THBS4: variants seen among roughly 807,000 people sequenced by gnomAD.
THBS4 encodes thrombospondin-4.
THBS4 carries 90 observed loss-of-function variants against 115.7 expected under a neutral mutation model. That is an observed-to-expected ratio of 0.78 (90% CI 0.66 to 0.93). THBS4 has a LOEUF of 0.93. Ranked by LOEUF, THBS4 falls within the 40% of genes least tolerant of loss-of-function variation. The probability of loss-of-function intolerance (pLI) is 0.00; values close to 1 mark genes in which losing one functional copy is unlikely to be tolerated. For missense variants in THBS4, 1,087 were observed against 1,232.7 expected (o/e 0.88, Z 1.77); for synonymous variants, 460 against 479.3 (o/e 0.96, Z 0.53).
intron 3 of THBS4, among the ~76,000 whole-genome samples, chr5:80,057,677 A>G (rs988669645): frequency 2.6e-5 from 4 of 152,224 alleles, no homozygotes; most frequent in African/African-American, 9.6e-5. Flanking sequence ...GGGCAAGGAC[A>G]TTGACTTTTT....
At chr5:80,012,920 T>C (rs1239830140) in intron 2 of THBS4, among the ~76,000 whole-genome samples, 1 of 152,182 alleles carries the variant, frequency 6.6e-6, no homozygotes, top group Admixed American at 6.5e-5. Flanking sequence ...TGGCCCCGTC[T>C]TGGGACTCTC....
chr5:80,004,012 G>A (rs1831963738), intron 2 of THBS4, among the ~76,000 whole-genome samples: 1 of 152,178 alleles, frequency 6.6e-6, no homozygotes, highest in Non-Finnish European at 1.5e-5. Flanking sequence ...AATGTGACCT[G>A]CATGATTCAG....
chr5:80,004,517 G>A (rs913121581), intron 2 of THBS4, among the ~76,000 whole-genome samples: 1 of 152,144 alleles, frequency 6.6e-6, no homozygotes, highest in Non-Finnish European at 1.5e-5. Flanking sequence ...TGTGGCCTAC[G>A]GGTTTGATTT....
At chr5:80,018,630 G>T (rs1832299528) in intron 2 of THBS4, among the ~76,000 whole-genome samples, 1 of 151,850 alleles carries the variant, frequency 6.6e-6, no homozygotes, top group African/African-American at 2.4e-5. Context: ...CCTGACTTTA[G>T]GTGATCTGCC....
Position 80,080,993 on chromosome 5 carries a change from T to C in THBS4, c.2684+916T>C, listed in dbSNP as rs77756944. Among the ~76,000 whole-genome samples, 997 of 152,292 alleles carry C rather than the reference T, an allele frequency of 6.5e-3. 8 individuals are homozygous for C. The highest frequency in any genetic ancestry group is 0.022 in the African/African-American group (924 of 41,528). ...GTAGGCCAAAGTAGTCTGACTTCTT[T>C]CTTTATAGGACTTTTTTGTTGTTGT... On this transcript the variant is annotated intron_variant, in intron 20 of 21. Coordinates refer to ENST00000350881, the MANE Select transcript of THBS4 (RefSeq NM_003248.6).
At chr5:80,046,106 A>G (rs1353571384) in intron 2 of THBS4, among the ~76,000 whole-genome samples, 1 of 152,218 alleles carries the variant, frequency 6.6e-6, no homozygotes, top group Non-Finnish European at 1.5e-5. Context: ...GAAGATATGG[A>G]AGAAATAAGC....
chr5:80,083,241 GT>G lies in THBS4; in HGVS notation c.*104del. On this transcript the variant is annotated 3_prime_UTR_variant, in exon 22 of 22. Coordinates refer to ENST00000350881, the MANE Select transcript of THBS4 (RefSeq NM_003248.6). ...TTTACCAACCCAAATATATCAAAAC[GT>G]TTTATGTGAATGTGGCAATAAAGGA... is the stretch of plus-strand genomic sequence containing the variant. 2 of 1,042,138 alleles carry G rather than the reference GT, an allele frequency of 1.9e-6. No homozygotes were observed. Among genetic ancestry groups the G allele is most frequent in the African/African-American group, 1.6e-5 (1 of 63,306 alleles). 64.6% of individuals were successfully genotyped at this position (1,042,138 alleles called of 1,614,324 possible).
intron 2 of THBS4, among the ~76,000 whole-genome samples, chr5:80,017,594 T>C (rs1365111147): frequency 6.6e-6 from 1 of 152,222 alleles, no homozygotes; most frequent in Non-Finnish European, 1.5e-5. Flanking sequence ...TAGTTCTATT[T>C]TGCTTTTTAA....
At chr5:80,000,528 C>T (rs1234872115) in intron 2 of THBS4, among the ~76,000 whole-genome samples, 1 of 152,196 alleles carries the variant, frequency 6.6e-6, no homozygotes, top group African/African-American at 2.4e-5. Context: ...GTCATGCCTT[C>T]TGTTATTGCC....
At chr5:80,007,299 T>C (rs1268834965) in intron 2 of THBS4, among the ~76,000 whole-genome samples, 1 of 152,224 alleles carries the variant, frequency 6.6e-6, no homozygotes, top group Non-Finnish European at 1.5e-5. Flanking sequence ...TAAATTAATT[T>C]TATGGTAGTA....
At chr5:80,060,304 T>C (rs1833588445) in intron 7 of THBS4, among the ~76,000 whole-genome samples, 8 of 152,190 alleles carry the variant, frequency 5.3e-5, no homozygotes, top group Admixed American at 5.2e-4. Context: ...TCTTCAGGCT[T>C]CCTAAAATAA....
At chr5:80,073,371 C>T (rs767668238) in intron 15 of THBS4, 44 bp downstream of exon 15, 22 of 1,573,984 alleles carry the variant, frequency 1.4e-5, no homozygotes, top group South Asian at 1.1e-4. Context: ...TGCAAACATC[C>T]GGAGAGGGTT....
intron 21 of THBS4, 84 bp downstream of exon 21, chr5:80,082,629 C>A (rs917827989): frequency 2.6e-6 from 4 of 1,538,120 alleles, no homozygotes; most frequent in East Asian, 4.5e-5. Flanking sequence ...GCACTTCCCC[C>A]CCAAAAGCCC....
intron 10 of THBS4, 95 bp from the exon 11 acceptor site, chr5:80,070,211 C>T: frequency 9.5e-7 from 1 of 1,055,432 alleles, no homozygotes; most frequent in African/African-American, 1.6e-5. Flanking sequence ...GGCCCTCCCC[C>T]TGGGATTGAG....
exon 1 of THBS4, chr5:79,991,374 G>T: frequency 1.3e-6 from 1 of 782,858 alleles, no homozygotes; most frequent in East Asian, 2.8e-5. Flanking sequence ...ACGACTGGAG[G>T]GATTAAGAAG....
intron 2 of THBS4, among the ~76,000 whole-genome samples, chr5:80,000,667 T>C (rs1232622105): frequency 6.6e-6 from 1 of 152,200 alleles, no homozygotes; most frequent in Non-Finnish European, 1.5e-5. Flanking sequence ...GACCTTCAAC[T>C]TTCATTCAAG....
intron 2 of THBS4, among the ~76,000 whole-genome samples, chr5:80,009,763 CA>C (rs960056186): frequency 6.6e-6 from 1 of 151,752 alleles, no homozygotes; most frequent in Admixed American, 6.6e-5. Flanking sequence ...CAGGATAATG[CA>C]AAAAAAATTC....
In THBS4 at chr5:80,079,825, G is replaced by A. The variant is rs1023785334; in HGVS notation, c.2512-80G>A. 23 of 1,435,472 alleles carry A rather than the reference G, an allele frequency of 1.6e-5. No homozygotes were observed. In the African/African-American group the frequency reaches 3.2e-4, roughly 20 times the overall value. The allele number at this position is 1,435,472 out of a possible 1,614,324, so 88.9% of individuals were successfully genotyped here. On this transcript the variant is annotated intron_variant, in intron 19 of 21. Coordinates refer to ENST00000350881, the MANE Select transcript of THBS4 (RefSeq NM_003248.6). ...CGGATTATAACCATGACTATAACCT[G>A]GATCATCACTTCAGATCCAGGAAGC...
chr5:80,071,575 A>G (rs1196007606), intron 13 of THBS4, among the ~76,000 whole-genome samples: 7 of 152,016 alleles, frequency 4.6e-5, no homozygotes, highest in East Asian at 1.9e-4. Flanking sequence ...GTCACAGACT[A>G]TGCATCACAG....
Sources: gnomAD v4.1 joint callset for allele counts (sites outside exome capture counted in the v4.1 genomes callset) on GRCh38, gnomAD v4.1.1 for gene constraint, MANE v1.5 for transcripts, NCBI Gene and HGNC (gene_info 2026-07-23, HGNC 2026-07-21) for gene names.